Variants in HSD11B1 observed in about 807,000 individuals in gnomAD.
The protein encoded by HSD11B1 is hydroxysteroid 11-beta dehydrogenase 1.
Under a neutral mutation model 22.1 loss-of-function variants are expected in HSD11B1, and 15 were observed. That is an observed-to-expected ratio of 0.68 (90% CI 0.45 to 1.04). The LOEUF (loss-of-function observed/expected upper bound fraction) is 1.04, where lower values mean the gene tolerates loss of function less well. Among genes scored for constraint, HSD11B1 ranks in the 50% least tolerant of loss-of-function variants. HSD11B1 has a pLI of 0.00. For missense variants in HSD11B1, 281 were observed against 357.6 expected (o/e 0.79, Z 1.73); for synonymous variants, 122 against 125.2 (o/e 0.97, Z 0.17).
At chr1:209,713,705 G>A (rs1219456452) in intron 4 of HSD11B1, among the ~76,000 whole-genome samples, 1 of 152,096 alleles carries the variant, frequency 6.6e-6, no homozygotes, top group East Asian at 1.9e-4. Flanking sequence ...ATCCTCTCTA[G>A]ATGACTTATA....
chr1:209,727,264 G>C (rs2282741), intron 4 of HSD11B1, among the ~76,000 whole-genome samples: 59,853 of 151,974 alleles, frequency 0.39, 15,145 homozygotes, highest in African/African-American at 0.7. Context: ...CCTGCTATAG[G>C]TTTTGGGGGG....
At chr1:209,701,760 C>G (rs1451781421), upstream of HSD11B1, among the ~76,000 whole-genome samples, 1 of 152,216 alleles carries the variant, frequency 6.6e-6, no homozygotes, top group Admixed American at 6.5e-5. Context: ...ATGCAAGGAA[C>G]TTCCCCTCTG....
At chr1:209,732,303 T>C (rs970571544) in intron 4 of HSD11B1, 133 bp from the exon 5 acceptor site, 6 of 959,926 alleles carry the variant, frequency 6.3e-6, no homozygotes, top group Non-Finnish European at 9.8e-6. Flanking sequence ...CAGTATAACT[T>C]CCATGGGGAA....
At chr1:209,725,803 A>G (rs2076996913) in intron 4 of HSD11B1, among the ~76,000 whole-genome samples, 1 of 152,198 alleles carries the variant, frequency 6.6e-6, no homozygotes, top group Non-Finnish European at 1.5e-5. Flanking sequence ...CAGAGCTCAA[A>G]TCTGCAGGTT....
rs149360778 is a variant in HSD11B1 at position 209,724,359 on chromosome 1, A to T, written c.518-8077A>T. Reference sequence around the variant, plus strand: ...CTTCTTTTTGGAAGATCAATGAGACATTGCTAATTTCTTCTCCCTAACTCC... The same window carrying T: ...CTTCTTTTTGGAAGATCAATGAGACTTTGCTAATTTCTTCTCCCTAACTCC... On this transcript the variant is annotated intron_variant, in intron 4 of 5. Transcript: ENST00000367027. Among the ~76,000 whole-genome samples, 781 of 152,272 alleles carry T rather than the reference A, an allele frequency of 5.1e-3. 10 individuals are homozygous for T. Among genetic ancestry groups the T allele is most frequent in the African/African-American group, 0.018 (747 of 41,564 alleles).
intron 1 of HSD11B1, among the ~76,000 whole-genome samples, chr1:209,689,048 T>C (rs2076744207): frequency 2.0e-5 from 3 of 152,154 alleles, no homozygotes; most frequent in Non-Finnish European, 2.9e-5. Flanking sequence ...GGAAAGTTTA[T>C]TTTCTGGAGA....
intron 4 of HSD11B1, among the ~76,000 whole-genome samples, chr1:209,721,279 G>C (rs779449503): frequency 7.9e-5 from 12 of 152,020 alleles, no homozygotes; most frequent in Non-Finnish European, 1.8e-4. Context: ...TTTGATGACT[G>C]TATTGTGATT....
intron 1 of HSD11B1, among the ~76,000 whole-genome samples, chr1:209,690,351 A>T (rs1356117636): frequency 1.3e-5 from 2 of 152,136 alleles, no homozygotes; most frequent in African/African-American, 4.8e-5. Flanking sequence ...ATTTTTAAGT[A>T]TGGAGAAGAA....
At chr1:209,686,312 T>C (rs965496962) in intron 1 of HSD11B1, 4 of 152,154 alleles carry the variant, frequency 2.6e-5, no homozygotes, top group African/African-American at 7.2e-5. Context: ...TCACATTATA[T>C]ATAATAGTAT....
intron 4 of HSD11B1, among the ~76,000 whole-genome samples, chr1:209,712,024 C>T (rs2076901002): frequency 6.6e-6 from 1 of 152,204 alleles, no homozygotes; most frequent in African/African-American, 2.4e-5. Flanking sequence ...CCACAGGTTT[C>T]ATTCAAGTGC....
At chr1:209,732,213 C>T (rs2077039891) in intron 4 of HSD11B1, among the ~76,000 whole-genome samples, 1 of 152,148 alleles carries the variant, frequency 6.6e-6, no homozygotes, top group Admixed American at 6.6e-5. Context: ...CTTAAACAGT[C>T]CCTCTTCAAT....
intron 1 of HSD11B1, among the ~76,000 whole-genome samples, chr1:209,689,234 A>G (rs2076745348): frequency 6.6e-6 from 1 of 151,956 alleles, no homozygotes; most frequent in African/African-American, 2.4e-5. Flanking sequence ...ACCCCTCTCC[A>G]CCCACCCTAC....
chr1:209,721,705 C>T lies in HSD11B1; in HGVS notation c.518-10731C>T, dbSNP rs575718514. ...TTCAATCAGCCCAGCCCACTTGGCC[C>T]AGTCTACCCAACCATCCCTGGGCAG... On this transcript the variant is annotated intron_variant, in intron 4 of 5. Transcript: ENST00000367027. 7.9e-5 allele frequency among the ~76,000 whole-genome samples: 12 copies of T among 152,298 alleles called. 2 individuals are homozygous for T. The South Asian group carries it at 2.3e-3, about 29-fold the overall frequency.
At chr1:209,699,748 G>A (rs193268869) in intron 1 of HSD11B1, among the ~76,000 whole-genome samples, 354 of 152,248 alleles carry the variant, frequency 2.3e-3, no homozygotes, top group Non-Finnish European at 4.1e-3. Context: ...AGTCCCTTCC[G>A]CCTATCAGCC....
In HSD11B1 at chr1:209,692,784, C is replaced by A. The variant is rs1322689916; in HGVS notation, c.-49+6499C>A. Among the ~76,000 whole-genome samples, 3 of 152,206 alleles carry A rather than the reference C, an allele frequency of 2.0e-5. No homozygotes were observed. In the East Asian group the frequency reaches 5.8e-4, roughly 29 times the overall value. The stretch of plus-strand genomic sequence containing the variant: ...AAAAATCCAGATTCCTAGGTCCCAC[C>A]CTTAATAAGCCAGACTCAACAGGAT... On this transcript the variant is annotated intron_variant, in intron 1 of 6. Transcript: ENST00000261465.
chr1:209,726,047 TAAAA>T (rs2076998857), intron 4 of HSD11B1, among the ~76,000 whole-genome samples: 1 of 151,880 alleles, frequency 6.6e-6, no homozygotes, highest in Non-Finnish European at 1.5e-5. Context: ...TTTCACCAAT[TAAAA>T]GCAGGCGGAT....
At chr1:209,716,369 G>A (rs2076930262) in intron 4 of HSD11B1, among the ~76,000 whole-genome samples, 1 of 149,566 alleles carries the variant, frequency 6.7e-6, no homozygotes, top group Non-Finnish European at 1.5e-5. Flanking sequence ...ATTTAACCGA[G>A]GAGGTGAAAG....
chr1:209,701,661 A>C (rs902856570), upstream of HSD11B1, among the ~76,000 whole-genome samples: 1 of 152,238 alleles, frequency 6.6e-6, no homozygotes, highest in Non-Finnish European at 1.5e-5. Context: ...GCACTTGCTT[A>C]ACAAATCTAC....
At chr1:209,692,162 C>G (rs571370755) in intron 1 of HSD11B1, among the ~76,000 whole-genome samples, 5 of 151,780 alleles carry the variant, frequency 3.3e-5, no homozygotes, top group African/African-American at 1.2e-4. Context: ...ATGTTGATGT[C>G]TGGAGCCATT....
Sources: allele counts gnomAD v4.1 joint callset (sites outside exome capture counted in the v4.1 genomes callset), GRCh38; gene constraint gnomAD v4.1.1; transcripts MANE v1.5; gene names NCBI Gene and HGNC (gene_info 2026-07-23, HGNC 2026-07-21).